The following NYX variants were observed in gnomAD, a reference collection of about 807,000 sequenced individuals.
The protein encoded by NYX is nyctalopin.
For missense variants in NYX, 481 were observed against 485.4 expected, an observed-to-expected ratio of 0.99 and a Z score of 0.09; for synonymous variants, 258 against 245.7, an observed-to-expected ratio of 1.05 and a Z score of -0.47.
chrX:41,463,422 C>CTT (rs58958947), intron 2 of NYX, among the ~76,000 whole-genome samples: 159 of 95,950 alleles, frequency 1.7e-3, no homozygotes, highest in African/African-American at 4.5e-3. Context: ...ATAGTAGTCT[C>CTT]TTTTTTTTTT....
At chrX:41,460,895 T>C (rs1290224743) in intron 2 of NYX, among the ~76,000 whole-genome samples, 1 of 98,159 alleles carries the variant, frequency 1.0e-5, no homozygotes, top group Non-Finnish European at 2.0e-5. Flanking sequence ...TTTTTTTTTT[T>C]TTTTTTTTTT....
chrX:41,473,594 C>T lies in NYX; in HGVS notation c.126C>T (p.Arg42=). ...CSTVERGCSV[R]CDRAGLLRVP... The stretch of plus-strand genomic sequence containing the variant: ...CCGTGGAGCGCGGCTGCTCGGTGCG[C>T]TGCGACCGCGCGGGCCTCCTGCGGG... The change falls in exon 3 of 3, where the codon CGC becomes CGT. Residue 42 remains arginine (R), a synonymous_variant. Transcript: ENST00000378220. 7 of 1,018,889 alleles carry T rather than the reference C, an allele frequency of 6.9e-6. No homozygotes were observed. The highest frequency in any genetic ancestry group is 8.7e-6 in the Non-Finnish European group (7 of 801,211). 84.0% of individuals were successfully genotyped at this position (1,018,889 alleles called of 1,213,427 possible).
chrX:41,460,980 CT>C (rs34029110), intron 2 of NYX, among the ~76,000 whole-genome samples: 20 of 87,510 alleles, frequency 2.3e-4, no homozygotes, highest in African/African-American at 4.7e-4. Flanking sequence ...ATAGTCATTC[CT>C]TTTTTTTTTG....
At chrX:41,456,919 C>T (rs1399890205) in intron 2 of NYX, among the ~76,000 whole-genome samples, 1 of 111,577 alleles carries the variant, frequency 9.0e-6, no homozygotes, top group Non-Finnish European at 1.9e-5. Flanking sequence ...TTGAACCCAA[C>T]TCCCCAAGAT....
chrX:41,457,578 C>CG (rs1166676172), intron 2 of NYX, among the ~76,000 whole-genome samples: 1 of 96,745 alleles, frequency 1.0e-5, no homozygotes, highest in Admixed American at 1.2e-4. Flanking sequence ...TCCTGCTCCC[C>CG]CATAACTTTG....
Position 41,474,194 on chromosome X carries a change from C to T in NYX, c.726C>T (p.Ala242=). The T allele has an allele frequency of 8.5e-7, 1 of 1,170,634 alleles. No individual in the cohort carries two copies. The highest frequency in any genetic ancestry group is 1.1e-6 in the Non-Finnish European group (1 of 879,755). ...LNDNLLAELP[A]DAFRGLRRLR... Reference sequence around the variant, plus strand: ...ACAACCTGCTGGCCGAGCTCCCGGCCGACGCCTTCCGCGGCCTGCGGCGCC... The same window carrying T: ...ACAACCTGCTGGCCGAGCTCCCGGCTGACGCCTTCCGCGGCCTGCGGCGCC... The change falls in exon 3 of 3, where the codon GCC becomes GCT. Residue 242 remains alanine (A), a synonymous_variant. Transcript: ENST00000378220.
chrX:41,474,743 G>T lies in NYX; in HGVS notation c.1275G>T (p.Ala425=). The T allele has an allele frequency of 8.4e-7, 1 of 1,193,360 alleles. No individual in the cohort carries two copies. ...LLAPRVPVEE[A]ANTTGGLANA... is the part of the protein sequence containing the mutation. The stretch of plus-strand genomic sequence containing the variant: ...CCCCGAGGGTCCCGGTGGAGGAGGC[G>T]GCCAACACCACTGGGGGGCTGGCCA... The change falls in exon 3 of 3, where the codon GCG becomes GCT. Residue 425 remains alanine (A), a synonymous_variant. Transcript: ENST00000378220.
At chrX:41,452,260 T>A (rs1198496926) in intron 2 of NYX, among the ~76,000 whole-genome samples, 2 of 111,897 alleles carry the variant, frequency 1.8e-5, no homozygotes, top group Non-Finnish European at 3.8e-5. Context: ...GCCAGAAATG[T>A]TCTAAGTCTT....
intron 2 of NYX, among the ~76,000 whole-genome samples, chrX:41,470,731 T>C (rs1456613607): frequency 9.1e-6 from 1 of 109,869 alleles, no homozygotes; most frequent in Non-Finnish European, 1.9e-5. Context: ...TGCAGTATTT[T>C]ACTCTTTTTA....
intron 2 of NYX, among the ~76,000 whole-genome samples, chrX:41,453,459 C>CTTTTTTTTTTTTTTTTTTT (rs765178661): frequency 9.8e-6 from 1 of 102,111 alleles, no homozygotes; most frequent in African/African-American, 3.5e-5. Flanking sequence ...TCTTCTTCTT[C>CTTTTTTTTTTTTTTTTTTT]TTTTTTTTTT....
In NYX at chrX:41,474,358, C is replaced by G. The variant is rs770193408; in HGVS notation, c.890C>G (p.Ser297Trp). Residue 297 changes from serine to tryptophan, a missense_variant, in exon 3 of 3, where the codon TCG becomes TGG. Transcript: ENST00000378220. ...FVEEGAFQNL[S>W]GLLALHLNGN... Reference sequence around the variant, plus strand: ...GAGGAGGGCGCCTTCCAGAACCTCTCGGGTCTCCTCGCGCTGCACCTCAAC... The same window carrying G: ...GAGGAGGGCGCCTTCCAGAACCTCTGGGGTCTCCTCGCGCTGCACCTCAAC... 1 of 1,206,834 alleles carries G rather than the reference C, an allele frequency of 8.3e-7. No individual in the cohort carries two copies. The highest frequency in any genetic ancestry group is 1.1e-6 in the Non-Finnish European group (1 of 895,167).
rs188798824 is a variant in NYX, at chrX:41,471,714, G to T, written c.23-1777G>T. Among the ~76,000 whole-genome samples, 236 of 110,244 alleles carry T rather than the reference G, an allele frequency of 2.1e-3. 1 individual carries two copies. Among genetic ancestry groups the T allele is most frequent in the African/African-American group, 7.5e-3 (227 of 30,334 alleles). ...TTTAATCCTAAATGGGTCCTGTTAA[G>T]AATTATTTCATAATCTTGTCATGCT... On this transcript the variant is annotated intron_variant, in intron 2 of 2. Coordinates refer to ENST00000378220, the MANE Select transcript of NYX (RefSeq NM_001378477.3).
chrX:41,464,163 T>TA (rs1325568971), intron 2 of NYX, among the ~76,000 whole-genome samples: 16 of 108,538 alleles, frequency 1.5e-4, no homozygotes, highest in Middle Eastern at 9.3e-3. Flanking sequence ...TTTTTTTTTT[T>TA]AAAACAAGGT....
chrX:41,463,484 G>A (rs748269944), intron 2 of NYX, among the ~76,000 whole-genome samples: 3 of 106,833 alleles, frequency 2.8e-5, no homozygotes, highest in East Asian at 2.9e-4. Flanking sequence ...GTGCAGTGGC[G>A]CAATCTCGGC....
In NYX at chrX:41,474,226, C is replaced by T. The variant is rs180724602; in HGVS notation, c.758C>T (p.Thr253Met). 9.3e-4 allele frequency: 1,116 copies of T among 1,196,134 alleles called. 6 individuals carry two copies. In the African/African-American group the frequency reaches 0.018, roughly 19 times the overall value. The change falls in exon 3 of 3, where the codon ACG becomes ATG. Residue 253 changes from threonine to methionine, a missense_variant. Thr to Met is a moderately conservative substitution (Grantham distance 81). Coordinates refer to ENST00000378220, the MANE Select transcript of NYX (RefSeq NM_001378477.3). ...DAFRGLRRLR[T>M]LNLGGNALDR... ...TTCCGCGGCCTGCGGCGCCTGCGCA[C>T]GCTCAACCTGGGTGGCAACGCGCTG...
chrX:41,456,886 C>A (rs2064300347), intron 2 of NYX, among the ~76,000 whole-genome samples: 1 of 111,586 alleles, frequency 9.0e-6, no homozygotes, highest in African/African-American at 3.3e-5. Context: ...TTTCTGACCC[C>A]CATTCCCCAC....
chrX:41,451,446 A>C (rs2064279612), intron 2 of NYX, among the ~76,000 whole-genome samples: 1 of 112,035 alleles, frequency 8.9e-6, no homozygotes, highest in Admixed American at 9.5e-5. Flanking sequence ...CAGCAATAGA[A>C]AGGAATGATC....
intron 2 of NYX, among the ~76,000 whole-genome samples, chrX:41,456,244 G>C: frequency 9.0e-6 from 1 of 111,581 alleles, no homozygotes; most frequent in Non-Finnish European, 1.9e-5. Context: ...GACTAGGCAG[G>C]AGAATCGCTT....
intron 2 of NYX, among the ~76,000 whole-genome samples, chrX:41,458,976 G>C (rs939860753): frequency 9.1e-6 from 1 of 109,391 alleles, no homozygotes; most frequent in African/African-American, 3.3e-5. Context: ...CCAGCTACTT[G>C]GGAGGCTGAG....
Sources: gnomAD v4.1 joint callset for allele counts (sites outside exome capture counted in the v4.1 genomes callset) on GRCh38, gnomAD v4.1.1 for gene constraint, MANE v1.5 for transcripts, NCBI Gene and HGNC (gene_info 2026-07-23, HGNC 2026-07-21) for gene names.